NCMAP: variants seen among roughly 807,000 people sequenced by gnomAD.
The protein encoded by NCMAP is noncompact myelin-associated protein.
A neutral mutation model predicts 7.8 loss-of-function variants in NCMAP; 8 were observed. The observed-to-expected ratio is 1.02, with a 90% CI of 0.60 to 1.84. The LOEUF (loss-of-function observed/expected upper bound fraction) is 1.84, where lower values mean the gene tolerates loss of function less well. Ranked by LOEUF, NCMAP falls within the 40% of genes most tolerant of loss-of-function variation. NCMAP has a pLI of 0.00. For missense variants in NCMAP, 112 were observed against 131.4 expected (o/e 0.85, Z 0.72); for synonymous variants, 41 against 52.9 (o/e 0.78, Z 0.98).
intron 1 of NCMAP, among the ~76,000 whole-genome samples, chr1:24,573,178 C>A (rs1651440580): frequency 6.6e-6 from 1 of 150,856 alleles, no homozygotes; most frequent in East Asian, 1.9e-4. Flanking sequence ...GCCCCATCAG[C>A]CTTCAGGGAC....
At chr1:24,564,377 G>GT (rs1407884615) in intron 1 of NCMAP, among the ~76,000 whole-genome samples, 1 of 151,870 alleles carries the variant, frequency 6.6e-6, no homozygotes, top group East Asian at 1.9e-4. Context: ...CGGTGTGGTG[G>GT]TGGGCGCCTG....
chr1:24,565,801 T>C (rs1215534564), intron 1 of NCMAP, among the ~76,000 whole-genome samples: 1 of 152,128 alleles, frequency 6.6e-6, no homozygotes, highest in African/African-American at 2.4e-5. Flanking sequence ...GGTCTCACTC[T>C]GTTGCCCAGT....
intron 1 of NCMAP, among the ~76,000 whole-genome samples, chr1:24,579,784 A>G (rs986678601): frequency 3.9e-5 from 6 of 152,330 alleles, no homozygotes; most frequent in African/African-American, 1.4e-4. Context: ...TGAGGTGGGC[A>G]GAGCTTGTCA....
At chr1:24,580,116 G>A (rs912408860) in intron 1 of NCMAP, among the ~76,000 whole-genome samples, 5 of 152,206 alleles carry the variant, frequency 3.3e-5, no homozygotes, top group South Asian at 4.1e-4. Context: ...GAGGGCCACA[G>A]CCTGCGGCAG....
At chr1:24,564,717 G>C (rs59803285) in intron 1 of NCMAP, among the ~76,000 whole-genome samples, 19,716 of 151,796 alleles carry the variant, frequency 0.13, 1,793 homozygotes, top group African/African-American at 0.26. Context: ...AAAGAATAAG[G>C]AAAAATTCAC....
intron 1 of NCMAP, among the ~76,000 whole-genome samples, chr1:24,594,808 T>G (rs1206752750): frequency 6.6e-6 from 1 of 152,174 alleles, no homozygotes; most frequent in African/African-American, 2.4e-5. Flanking sequence ...GAAGATCACC[T>G]GAGCCCAAGG....
intron 3 of NCMAP, 43 bp from the exon 4 acceptor site, chr1:24,605,563 A>G: frequency 6.2e-7 from 1 of 1,601,874 alleles, no homozygotes; most frequent in South Asian, 1.1e-5. Flanking sequence ...CCCGCGGCAT[A>G]CCAGGGGAAA....
At chr1:24,578,966 C>G (rs1217460470) in intron 1 of NCMAP, among the ~76,000 whole-genome samples, 3 of 152,086 alleles carry the variant, frequency 2.0e-5, no homozygotes, top group Non-Finnish European at 4.4e-5. Context: ...AGAAAATCTA[C>G]AGGTTTCATT....
At chr1:24,592,913 C>T (rs1234704853) in intron 1 of NCMAP, among the ~76,000 whole-genome samples, 1 of 150,456 alleles carries the variant, frequency 6.6e-6, no homozygotes, top group Non-Finnish European at 1.5e-5. Context: ...AGCAAGGTGG[C>T]TCACGCCTGT....
At chr1:24,583,034 ATC>A (rs988893931) in intron 1 of NCMAP, among the ~76,000 whole-genome samples, 1 of 152,184 alleles carries the variant, frequency 6.6e-6, no homozygotes, top group Admixed American at 6.5e-5. Context: ...TTGGTTGTTT[ATC>A]CACAGGTATG....
At position 24,605,798 on chromosome 1, in the gene NCMAP, C is replaced by G. The variant is rs772780122; in HGVS notation, c.*51C>G. On this transcript the variant is annotated 3_prime_UTR_variant, in exon 4 of 4. Transcript: ENST00000374392. ...ACTGTCCAAAGAGCCTCTCCAGAGT[C>G]AAGACCCAGAGGCACACTCTCTGGC... 1 of 1,599,808 alleles carries G rather than the reference C, an allele frequency of 6.3e-7. No individual in the cohort carries two copies. Among genetic ancestry groups the G allele is most frequent in the Non-Finnish European group, 8.6e-7 (1 of 1,168,834 alleles).
chr1:24,572,208 G>A (rs1041968456), intron 1 of NCMAP, among the ~76,000 whole-genome samples: 1 of 150,694 alleles, frequency 6.6e-6, no homozygotes, highest in Non-Finnish European at 1.5e-5. Flanking sequence ...ATTTTAAGGG[G>A]AGAGGGCTTT....
At chr1:24,604,595 A>T (rs1652629922) in intron 3 of NCMAP, among the ~76,000 whole-genome samples, 3 of 65,068 alleles carry the variant, frequency 4.6e-5, no homozygotes, top group South Asian at 4.9e-4. Flanking sequence ...AAAAAAAAAA[A>T]AAAAAAAAAA....
intron 1 of NCMAP, among the ~76,000 whole-genome samples, chr1:24,570,080 G>A (rs2148927334): frequency 6.7e-6 from 1 of 149,946 alleles, no homozygotes; most frequent in East Asian, 1.9e-4. Flanking sequence ...CTCTAGATGG[G>A]ACCACAGATG....
At chr1:24,563,125 C>A (rs1651102058) in intron 1 of NCMAP, among the ~76,000 whole-genome samples, 1 of 152,228 alleles carries the variant, frequency 6.6e-6, no homozygotes, top group African/African-American at 2.4e-5. Flanking sequence ...CATGATTATA[C>A]TTAAGGAGAT....
chr1:24,581,761 G>A (rs1651752547), intron 1 of NCMAP, among the ~76,000 whole-genome samples: 1 of 152,182 alleles, frequency 6.6e-6, no homozygotes, highest in Non-Finnish European at 1.5e-5. Context: ...TACTTTAGTA[G>A]ACATTTACAA....
intron 1 of NCMAP, among the ~76,000 whole-genome samples, chr1:24,589,889 C>G (rs1373899480): frequency 6.6e-6 from 1 of 152,140 alleles, no homozygotes; most frequent in Non-Finnish European, 1.5e-5. Context: ...ATGGTGAGAT[C>G]TCAGCTCACT....
chr1:24,590,165 T>C (rs1461920476), intron 1 of NCMAP, among the ~76,000 whole-genome samples: 1 of 152,220 alleles, frequency 6.6e-6, no homozygotes, highest in Non-Finnish European at 1.5e-5. Context: ...GGAAAACTTA[T>C]CTTACATGGC....
chr1:24,569,948 T>TA (rs1227548513), intron 1 of NCMAP, among the ~76,000 whole-genome samples: 1 of 150,054 alleles, frequency 6.7e-6, no homozygotes, highest in Non-Finnish European at 1.5e-5. Flanking sequence ...TTTCCTCACT[T>TA]AAAAAAAATT....
Sources: gnomAD v4.1 joint callset for allele counts (sites outside exome capture counted in the v4.1 genomes callset) on GRCh38, gnomAD v4.1.1 for gene constraint, MANE v1.5 for transcripts, NCBI Gene and HGNC (gene_info 2026-07-23, HGNC 2026-07-21) for gene names.